COL4A5: variants seen among roughly 807,000 people sequenced by gnomAD.
COL4A5 encodes collagen alpha-5(IV) chain.
COL4A5 carries 26 observed loss-of-function variants against 130.2 expected under a neutral mutation model. The observed-to-expected ratio is 0.20, with a 90% confidence interval of 0.15 to 0.28. The LOEUF (loss-of-function observed/expected upper bound fraction) is 0.28, where lower values mean the gene tolerates loss of function less well. Among genes scored for constraint, COL4A5 ranks in the 10% least tolerant of loss-of-function variants. The pLI is 1.00. For synonymous variants in COL4A5, 496 were observed against 439.6 expected (o/e 1.13, Z -1.60); for missense variants, 1,131 against 1,344.3 (o/e 0.84, Z 2.48).
intron 1 of COL4A5, among the ~76,000 whole-genome samples, chrX:108,487,791 A>G (rs1217487204): frequency 1.8e-5 from 2 of 112,279 alleles, no homozygotes; most frequent in Non-Finnish European, 3.8e-5. Context: ...GAAAGCTCTT[A>G]TAGCTAATCA....
chrX:108,561,037 T>A (rs1360458255), intron 3 of COL4A5, among the ~76,000 whole-genome samples: 2 of 111,759 alleles, frequency 1.8e-5, no homozygotes, highest in Admixed American at 1.9e-4. Context: ...TCCTGTGGTA[T>A]CAGAGTCAAT....
At chrX:108,579,500 G>T (rs1380187023) in intron 13 of COL4A5, among the ~76,000 whole-genome samples, 1 of 112,178 alleles carries the variant, frequency 8.9e-6, no homozygotes, top group Non-Finnish European at 1.9e-5. Context: ...GTTATGGTAA[G>T]TCAGAATGAT....
chrX:108,634,777 T>C (rs2067324353), intron 36 of COL4A5, among the ~76,000 whole-genome samples: 1 of 111,559 alleles, frequency 9.0e-6, no homozygotes, highest in African/African-American at 3.2e-5. Flanking sequence ...TTTGATAACA[T>C]TTTTAAAGGT....
At chrX:108,545,991 C>G (rs2065644548) in intron 2 of COL4A5, among the ~76,000 whole-genome samples, 3 of 111,617 alleles carry the variant, frequency 2.7e-5, no homozygotes, top group Non-Finnish European at 5.6e-5. Context: ...TTATTTTGAG[C>G]CTATGTGTGT....
At chrX:108,635,924 A>G (rs2147893583) in intron 36 of COL4A5, among the ~76,000 whole-genome samples, 1 of 112,377 alleles carries the variant, frequency 8.9e-6, no homozygotes, top group East Asian at 2.8e-4. Flanking sequence ...GGAGGTAAGT[A>G]TTGGGTATAC....
chrX:108,568,961 A>C, intron 6 of COL4A5, 140 bp downstream of exon 6: 1 of 486,454 alleles, frequency 2.1e-6, no homozygotes, highest in Non-Finnish European at 3.6e-6. Context: ...TGCTCTGACT[A>C]TAATTTTCTA....
At chrX:108,637,659 G>A (rs776589125) in intron 36 of COL4A5, among the ~76,000 whole-genome samples, 42 of 111,702 alleles carry the variant, frequency 3.8e-4, no homozygotes, top group African/African-American at 1.3e-3. Flanking sequence ...CTATGAACAG[G>A]TGTTTGCTAA....
At position 108,620,349 on chromosome X, in the gene COL4A5, T is replaced by C. The variant is rs747918142; in HGVS notation, c.2600T>C (p.Ile867Thr). The C allele has an allele frequency of 1.7e-6, 2 of 1,208,002 alleles. No homozygotes were observed. Among genetic ancestry groups the C allele is most frequent in the Admixed American group, 4.4e-5 (2 of 45,976 alleles). Residue 867 changes from isoleucine to threonine, a missense_variant, in exon 31 of 53, where the codon ATC becomes ACC. By Grantham distance (89) the Ile-to-Thr change is moderately conservative (BLOSUM62 -1). Transcript: ENST00000328300. ...GPPGERGSPG[I>T]PGAPGPIGPP... ...CCAGGTGAAAGAGGCAGTCCAGGGA[T>C]CCCCGGAGCACCTGGTCCTATAGGA...
chrX:108,647,129 T>G (rs766547832), intron 36 of COL4A5, among the ~76,000 whole-genome samples: 61 of 110,833 alleles, frequency 5.5e-4, no homozygotes, highest in African/African-American at 1.9e-3. Context: ...AAGTCATTGG[T>G]AGCTTGATGG....
intron 1 of COL4A5, among the ~76,000 whole-genome samples, chrX:108,535,262 T>C (rs1195383646): frequency 9.0e-6 from 1 of 111,619 alleles, no homozygotes; most frequent in Non-Finnish European, 1.9e-5. Flanking sequence ...ATAGTTACTA[T>C]ATATTTTTTA....
chrX:108,540,350 A>G (rs1253308309), intron 2 of COL4A5, among the ~76,000 whole-genome samples: 1 of 112,339 alleles, frequency 8.9e-6, no homozygotes, highest in Non-Finnish European at 1.9e-5. Flanking sequence ...CTTAAGAAGG[A>G]AACTAAACAT....
In COL4A5 at chrX:108,577,934, T is replaced by G; in HGVS notation, c.610-18T>G. 1 of 1,172,068 alleles carries G rather than the reference T, an allele frequency of 8.5e-7. No individual in the cohort carries two copies. The highest frequency in any genetic ancestry group is 1.2e-6 in the Non-Finnish European group (1 of 864,712). ...ATTAATATAACATTTTATTTTCTCT[T>G]TTGTCTTCTCTTCTTAGGGCCCTCC... On this transcript the variant is annotated intron_variant, in intron 10 of 52. Coordinates refer to ENST00000328300, the MANE Select transcript of COL4A5 (RefSeq NM_033380.3).
At chrX:108,679,751 G>A (rs1217045453) in intron 44 of COL4A5, among the ~76,000 whole-genome samples, 2 of 110,170 alleles carry the variant, frequency 1.8e-5, no homozygotes, top group African/African-American at 3.3e-5. Flanking sequence ...GATTGTTTGA[G>A]CCTAGGAGTT....
intron 37 of COL4A5, among the ~76,000 whole-genome samples, chrX:108,663,591 G>A (rs1288390558): frequency 9.0e-6 from 1 of 110,737 alleles, no homozygotes; most frequent in Non-Finnish European, 1.9e-5. Flanking sequence ...GGGTGTTTGG[G>A]TCAGGGGGAT....
intron 4 of COL4A5, among the ~76,000 whole-genome samples, chrX:108,568,039 C>A (rs923507183): frequency 2.7e-5 from 3 of 111,854 alleles, no homozygotes; most frequent in African/African-American, 6.5e-5. Context: ...TCTAGGGTAT[C>A]TTCAGGACAG....
intron 37 of COL4A5, among the ~76,000 whole-genome samples, chrX:108,664,458 A>G (rs958946318): frequency 8.9e-6 from 1 of 112,259 alleles, no homozygotes; most frequent in African/African-American, 3.2e-5. Flanking sequence ...AGCTAAAACC[A>G]TAATGCTTTT....
At chrX:108,485,768 C>A (rs1220383008) in intron 1 of COL4A5, among the ~76,000 whole-genome samples, 1 of 110,462 alleles carries the variant, frequency 9.1e-6, no homozygotes, top group African/African-American at 3.3e-5. Context: ...TCTTTGCAGC[C>A]TGGGGTTGAG....
At chrX:108,493,125 A>G (rs1207837158) in intron 1 of COL4A5, among the ~76,000 whole-genome samples, 1 of 111,896 alleles carries the variant, frequency 8.9e-6, no homozygotes, top group African/African-American at 3.2e-5. Context: ...TGTTTTAACT[A>G]TAGACCCTTA....
chrX:108,620,869 C>T (rs993889803), intron 31 of COL4A5, among the ~76,000 whole-genome samples: 5 of 110,604 alleles, frequency 4.5e-5, no homozygotes, highest in African/African-American at 6.6e-5. Context: ...GGCTTAGGCT[C>T]CTCACATTAT....
Sources: gnomAD v4.1 joint callset for allele counts (sites outside exome capture counted in the v4.1 genomes callset) on GRCh38, gnomAD v4.1.1 for gene constraint, MANE v1.5 for transcripts, NCBI Gene and HGNC (gene_info 2026-07-23, HGNC 2026-07-21) for gene names.